MAPRE3: variants seen among roughly 807,000 people sequenced by gnomAD.
The protein encoded by MAPRE3 is microtubule-associated protein RP/EB family member 3.
A neutral mutation model predicts 30.5 loss-of-function variants in MAPRE3; 2 were observed. The ratio of observed to expected loss-of-function variants is 0.07; its 90% CI spans 0.03 to 0.21. The LOEUF (loss-of-function observed/expected upper bound fraction) is 0.21. Among genes scored for constraint, MAPRE3 ranks in the 10% least tolerant of loss-of-function variants. The pLI, the probability that MAPRE3 is intolerant of heterozygous loss-of-function variation, is 1.00. For synonymous variants in MAPRE3, 110 were observed against 127.7 expected, an observed-to-expected ratio of 0.86 and a Z score of 0.93; for missense variants, 204 against 351.8, an observed-to-expected ratio of 0.58 and a Z score of 3.36.
chr2:26,987,041 C>T (rs1666238406), intron 1 of MAPRE3, among the ~76,000 whole-genome samples: 1 of 152,108 alleles, frequency 6.6e-6, no homozygotes, highest in African/African-American at 2.4e-5. Context: ...AGCGGTTTGG[C>T]TTCACATCAA....
At chr2:27,000,219 T>C (rs1363101327) in intron 1 of MAPRE3, among the ~76,000 whole-genome samples, 2 of 152,200 alleles carry the variant, frequency 1.3e-5, no homozygotes, top group Non-Finnish European at 2.9e-5. Context: ...TTTAGTAATA[T>C]CAAGTAAGTA....
intron 1 of MAPRE3, among the ~76,000 whole-genome samples, chr2:26,989,415 T>C (rs1035177749): frequency 2.0e-5 from 3 of 152,124 alleles, no homozygotes; most frequent in Admixed American, 2.0e-4. Flanking sequence ...GAAAGGACAA[T>C]AACAGCAGAA....
At chr2:27,003,518 G>A (rs1414199924) in intron 1 of MAPRE3, among the ~76,000 whole-genome samples, 1 of 152,132 alleles carries the variant, frequency 6.6e-6, no homozygotes, top group African/African-American at 2.4e-5. Flanking sequence ...AGCTGTCTAC[G>A]AGCTTTTCTC....
intron 1 of MAPRE3, among the ~76,000 whole-genome samples, chr2:26,987,128 G>A (rs1348096497): frequency 6.6e-6 from 1 of 152,090 alleles, no homozygotes; most frequent in Non-Finnish European, 1.5e-5. Context: ...TTCCTCAGAA[G>A]TAAATAAAAT....
chr2:27,023,990 C>A (rs1299680442), intron 3 of MAPRE3, 106 bp from the exon 4 acceptor site: 8 of 837,902 alleles, frequency 9.5e-6, no homozygotes, highest in Admixed American at 4.3e-5. Context: ...GTGGAGGACG[C>A]TGCAGCCCAG....
chr2:26,995,214 C>G (rs187372002), intron 1 of MAPRE3, among the ~76,000 whole-genome samples: 17 of 152,262 alleles, frequency 1.1e-4, no homozygotes, highest in African/African-American at 3.1e-4. Flanking sequence ...AACATCTTGA[C>G]CAAAAGGGAG....
At chr2:26,977,219 G>A (rs527287440) in intron 1 of MAPRE3, among the ~76,000 whole-genome samples, 6 of 152,232 alleles carry the variant, frequency 3.9e-5, no homozygotes, top group South Asian at 2.1e-4. Flanking sequence ...CTTAGTGCTT[G>A]TTGGTGTTTT....
intron 1 of MAPRE3, among the ~76,000 whole-genome samples, chr2:26,979,948 G>T (rs1376428811): frequency 6.6e-6 from 1 of 152,176 alleles, no homozygotes; most frequent in African/African-American, 2.4e-5. Context: ...CTGAGGGTCA[G>T]GTTGTGGATG....
chr2:26,989,509 A>G (rs757577381), intron 1 of MAPRE3, among the ~76,000 whole-genome samples: 8 of 152,178 alleles, frequency 5.3e-5, no homozygotes, highest in Non-Finnish European at 1.0e-4. Context: ...CAGTGCCTCT[A>G]TGTATCCTTC....
At chr2:26,998,438 T>C (rs1666514444) in intron 1 of MAPRE3, among the ~76,000 whole-genome samples, 2 of 152,196 alleles carry the variant, frequency 1.3e-5, no homozygotes, top group Non-Finnish European at 2.9e-5. Context: ...AGGAATATTA[T>C]CACTTTCCTC....
At chr2:26,983,644 A>G (rs1356690618) in intron 1 of MAPRE3, among the ~76,000 whole-genome samples, 1 of 152,218 alleles carries the variant, frequency 6.6e-6, no homozygotes, top group Non-Finnish European at 1.5e-5. Flanking sequence ...TGGTTCTCCC[A>G]GTATCTAGCT....
rs1036837050 is a variant in MAPRE3, at chr2:27,015,450, C to A, written c.-7-6762C>A. On this transcript the variant is annotated intron_variant, in intron 1 of 6. Coordinates refer to ENST00000233121, the MANE Select transcript of MAPRE3 (RefSeq NM_012326.4). This position sits in a 1 kb window ranked among gnomAD's most constrained non-coding sequence, Gnocchi z 4.0. ...TGCCTGGAGATCTAGTGTTCTTAAG[C>A]ACTACCTTTCTGGAGCTTGCTGGAG... 5.9e-5 allele frequency among the ~76,000 whole-genome samples: 9 copies of A among 152,172 alleles called. No homozygotes were observed. Among genetic ancestry groups the A allele is most frequent in the African/African-American group, 2.2e-4 (9 of 41,434 alleles).
chr2:27,020,688 A>G (rs1039424211), intron 1 of MAPRE3, among the ~76,000 whole-genome samples: 1 of 152,242 alleles, frequency 6.6e-6, no homozygotes, highest in African/African-American at 2.4e-5. Context: ...ACTGTTTCCA[A>G]CACTATGAGT....
At chr2:26,992,548 T>TTTTTA (rs1553327623) in intron 1 of MAPRE3, among the ~76,000 whole-genome samples, 1 of 149,622 alleles carries the variant, frequency 6.7e-6, no homozygotes, top group African/African-American at 2.4e-5. Flanking sequence ...TTTTTTTTTT[T>TTTTTA]AATCCTGACC....
At chr2:27,010,739 G>A (rs763184943) in intron 1 of MAPRE3, among the ~76,000 whole-genome samples, 1 of 152,012 alleles carries the variant, frequency 6.6e-6, no homozygotes, top group African/African-American at 2.4e-5. Context: ...CACAGCACCC[G>A]GGCCCAATCT....
chr2:26,988,356 G>A (rs1302670810), intron 1 of MAPRE3, among the ~76,000 whole-genome samples: 2 of 152,134 alleles, frequency 1.3e-5, no homozygotes, highest in Admixed American at 1.3e-4. Context: ...CAAGAACACT[G>A]CATACATTTA....
In MAPRE3 at chr2:26,996,195, C is replaced by T. The variant is rs367730619; in HGVS notation, c.-8+25393C>T. Reference sequence around the variant, plus strand: ...TGAAACAAGGTCTTACTCTGTTGCCCGGGCTGGAGTACAGTGGTGAGATCA... The same window carrying T: ...TGAAACAAGGTCTTACTCTGTTGCCTGGGCTGGAGTACAGTGGTGAGATCA... On this transcript the variant is annotated intron_variant, in intron 1 of 6. Transcript: ENST00000233121. 4.7e-4 allele frequency among the ~76,000 whole-genome samples: 71 copies of T among 149,704 alleles called. No homozygotes were observed. In the East Asian group the frequency reaches 0.011, roughly 22 times the overall value.
chr2:26,995,829 G>GTGTGTGTA (rs1335864863), intron 1 of MAPRE3, among the ~76,000 whole-genome samples: 78 of 147,108 alleles, frequency 5.3e-4, no homozygotes, highest in African/African-American at 1.9e-3. Context: ...GTGTGTGTGT[G>GTGTGTGTA]TATGTGTGTG....
intron 1 of MAPRE3, among the ~76,000 whole-genome samples, chr2:26,990,024 T>C (rs570588744): frequency 6.6e-6 from 1 of 152,130 alleles, no homozygotes; most frequent in Non-Finnish European, 1.5e-5. Context: ...ACAAAAAATC[T>C]TAAAATTATC....
Sources: allele counts gnomAD v4.1 joint callset (sites outside exome capture counted in the v4.1 genomes callset), GRCh38; gene constraint gnomAD v4.1.1; non-coding constraint Gnocchi (gnomAD v3.1); transcripts MANE v1.5; gene names NCBI Gene and HGNC (gene_info 2026-07-23, HGNC 2026-07-21).